Variants in LMNB1 observed in about 807,000 individuals in gnomAD.
LMNB1 encodes the protein lamin B1.
A neutral mutation model predicts 67.1 loss-of-function variants in LMNB1; 23 were observed. The ratio of observed to expected loss-of-function variants is 0.34; its 90% CI spans 0.25 to 0.49. The LOEUF (loss-of-function observed/expected upper bound fraction) is 0.49, where lower values mean the gene tolerates loss of function less well. LMNB1 is among the 20% of genes least tolerant of loss of function. The pLI is 0.99. For missense variants in LMNB1, 634 were observed against 746.5 expected (o/e 0.85, Z 1.76); for synonymous variants, 281 against 282.9 (o/e 0.99, Z 0.07).
rs934506161 is a variant in LMNB1, at chr5:126,831,196, A to G, written c.1612-1498A>G. 3.3e-5 allele frequency among the ~76,000 whole-genome samples: 5 copies of G among 152,334 alleles called. No homozygotes were observed. The South Asian group carries it at 1.0e-3, about 32-fold the overall frequency. The stretch of plus-strand genomic sequence containing the variant: ...TTGTAAACTAGCTGGTCTGTGTTAG[A>G]TAAGCTTTTACTGAAGTAATATTGT... On this transcript the variant is annotated intron_variant, in intron 9 of 10. Transcript: ENST00000261366.
At chr5:126,824,010 G>GTGCTTT (rs1751931654) in intron 8 of LMNB1, among the ~76,000 whole-genome samples, 1 of 152,216 alleles carries the variant, frequency 6.6e-6, no homozygotes, top group African/African-American at 2.4e-5. Context: ...TGCCAATCAT[G>GTGCTTT]TGCTTTTTCT....
chr5:126,811,921 G>C (rs1281749435), intron 5 of LMNB1, 23 bp downstream of exon 5: 2 of 1,599,904 alleles, frequency 1.3e-6, no homozygotes, highest in Admixed American at 3.3e-5. Flanking sequence ...CTTTCTGTAA[G>C]AAGTTAGACT....
intron 10 of LMNB1, among the ~76,000 whole-genome samples, chr5:126,833,754 A>T (rs1390430477): frequency 1.3e-5 from 2 of 152,146 alleles, no homozygotes; most frequent in East Asian, 3.9e-4. Context: ...CAAGAGGGTC[A>T]GCATGAGTTA....
chr5:126,822,034 T>G (rs1013674882), intron 7 of LMNB1, among the ~76,000 whole-genome samples: 1 of 151,040 alleles, frequency 6.6e-6, no homozygotes, highest in African/African-American at 2.4e-5. Flanking sequence ...TTTTGAGTCT[T>G]GCTCTGTTGC....
chr5:126,779,252 C>T (rs576338986), intron 1 of LMNB1, among the ~76,000 whole-genome samples: 39 of 152,170 alleles, frequency 2.6e-4, no homozygotes, highest in Non-Finnish European at 4.6e-4. Flanking sequence ...TGGTTTGTAG[C>T]GAAAAACGAT....
intron 1 of LMNB1, among the ~76,000 whole-genome samples, chr5:126,787,546 A>ATATATATATATATATT: frequency 4.6e-5 from 3 of 65,580 alleles, no homozygotes; most frequent in African/African-American, 1.3e-4. Flanking sequence ...ATATATATAT[A>ATATATATATATATATT]TTTTTTTTTT....
intron 1 of LMNB1, among the ~76,000 whole-genome samples, chr5:126,800,977 A>AATTTTT (rs1481273764): frequency 5.2e-5 from 2 of 38,268 alleles, no homozygotes; most frequent in African/African-American, 7.6e-5. Flanking sequence ...ATATATATAT[A>AATTTTT]TATAATTTTT....
intron 1 of LMNB1, among the ~76,000 whole-genome samples, chr5:126,798,406 C>T (rs1322657371): frequency 2.0e-5 from 3 of 150,914 alleles, no homozygotes; most frequent in East Asian, 2.0e-4. Context: ...GCCGAGATCG[C>T]GCTACTGCAC....
intron 1 of LMNB1, among the ~76,000 whole-genome samples, chr5:126,782,067 A>G (rs1561732649): frequency 6.6e-6 from 1 of 152,226 alleles, no homozygotes; most frequent in African/African-American, 2.4e-5. Flanking sequence ...ATGATGATGA[A>G]TGCCATCACT....
intron 1 of LMNB1, among the ~76,000 whole-genome samples, chr5:126,789,423 A>G (rs933558551): frequency 3.9e-5 from 6 of 152,130 alleles, no homozygotes; most frequent in East Asian, 1.9e-4. Context: ...TTTGTGTATG[A>G]AAGAGGGAGC....
intron 3 of LMNB1, among the ~76,000 whole-genome samples, chr5:126,807,871 T>C (rs1561745762): frequency 6.6e-6 from 1 of 151,794 alleles, no homozygotes; most frequent in African/African-American, 2.4e-5. Flanking sequence ...TTTGTTTTTG[T>C]TTTTTTTAAC....
chr5:126,796,963 A>G (rs971684979), intron 1 of LMNB1, among the ~76,000 whole-genome samples: 53 of 151,662 alleles, frequency 3.5e-4, no homozygotes, highest in African/African-American at 1.2e-3. Context: ...TAATTTTTGT[A>G]TTTTTAGCAG....
chr5:126,781,928 A>G (rs375580997), intron 1 of LMNB1, among the ~76,000 whole-genome samples: 6 of 152,204 alleles, frequency 3.9e-5, no homozygotes, highest in African/African-American at 1.4e-4. Context: ...GAATTTGGCA[A>G]CAGTTTCCAT....
chr5:126,781,709 T>C (rs980032275), intron 1 of LMNB1, among the ~76,000 whole-genome samples: 1 of 152,198 alleles, frequency 6.6e-6, no homozygotes, highest in South Asian at 2.1e-4. Context: ...GTGCTGGGAT[T>C]ATAGGCGTGA....
intron 5 of LMNB1, among the ~76,000 whole-genome samples, chr5:126,813,942 C>T (rs1751641697): frequency 6.6e-6 from 1 of 152,088 alleles, no homozygotes; most frequent in East Asian, 1.9e-4. Flanking sequence ...GTTGCCCAGG[C>T]TGTAGTGCAA....
chr5:126,805,802 AAATATATCAGATAAAGAAATAAT>A, intron 3 of LMNB1, 106 bp downstream of exon 3: 1 of 873,870 alleles, frequency 1.1e-6, no homozygotes, highest in Middle Eastern at 2.8e-4. Flanking sequence ...TTTGCCACAA[AAATATATCAGATAAAGAAATAAT>A]AAGGTTTGGG....
intron 3 of LMNB1, among the ~76,000 whole-genome samples, chr5:126,808,530 A>T (rs537378686): frequency 6.6e-6 from 1 of 152,150 alleles, no homozygotes; most frequent in Admixed American, 6.5e-5. Flanking sequence ...TTCAGTAATA[A>T]TATCTAACTT....
chr5:126,800,807 C>G (rs1484863794), intron 1 of LMNB1, among the ~76,000 whole-genome samples: 2 of 148,016 alleles, frequency 1.4e-5, no homozygotes, highest in Non-Finnish European at 3.0e-5. Context: ...CATGTGCCAT[C>G]ACGCCTGGCT....
intron 1 of LMNB1, among the ~76,000 whole-genome samples, chr5:126,787,546 A>ATATATTTT: frequency 3.1e-5 from 2 of 65,572 alleles, no homozygotes; most frequent in African/African-American, 6.6e-5. Context: ...ATATATATAT[A>ATATATTTT]TTTTTTTTTT....
Sources: gnomAD v4.1 joint callset for allele counts (sites outside exome capture counted in the v4.1 genomes callset) on GRCh38, gnomAD v4.1.1 for gene constraint, MANE v1.5 for transcripts, NCBI Gene and HGNC (gene_info 2026-07-23, HGNC 2026-07-21) for gene names.